The following CXADR variants were observed in gnomAD, a reference collection of about 807,000 sequenced individuals.
CXADR encodes the protein CXADR cell adhesion molecule, also known as coxsackievirus and adenovirus receptor.
Under a neutral mutation model 40.3 loss-of-function variants are expected in CXADR, and 20 were observed. The observed-to-expected ratio is 0.50, with a 90% CI of 0.35 to 0.72. CXADR has a LOEUF of 0.72. Ranked by LOEUF, CXADR falls within the 30% of genes least tolerant of loss-of-function variation. The pLI, the probability that CXADR is intolerant of heterozygous loss-of-function variation, is 0.01. For synonymous variants in CXADR, 150 were observed against 161.3 expected (o/e 0.93, Z 0.53); for missense variants, 332 against 449.1 (o/e 0.74, Z 2.36).
intron 7 of CXADR, among the ~76,000 whole-genome samples, chr21:17,575,921 C>T (rs1301218888): frequency 6.6e-6 from 1 of 151,142 alleles, no homozygotes; most frequent in African/African-American, 2.4e-5. Flanking sequence ...AACCCTGTCT[C>T]TACTAAAAAT....
intron 1 of CXADR, among the ~76,000 whole-genome samples, chr21:17,534,721 C>G (rs557020464): frequency 6.6e-6 from 1 of 151,652 alleles, no homozygotes; most frequent in African/African-American, 2.4e-5. Context: ...TTCATTTTCT[C>G]GAACCTCTAA....
the CXADR span, among the ~76,000 whole-genome samples, chr21:17,609,966 A>G: frequency 1.3e-5 from 2 of 152,224 alleles, no homozygotes; most frequent in African/African-American, 4.8e-5. Context: ...ACTGTGGTAT[A>G]TACATGTAAT....
chr21:17,537,440 T>C (rs1600979084), intron 1 of CXADR, among the ~76,000 whole-genome samples: 1 of 152,226 alleles, frequency 6.6e-6, no homozygotes, highest in Admixed American at 6.5e-5. Context: ...ACTTGCCTGA[T>C]TGCTGTTTTA....
At position 17,569,339 on chromosome 21, in the gene CXADR, C is replaced by T. The variant is rs1311995498; in HGVS notation, c.*3647C>T. The T allele has an allele frequency of 1.0e-6, 1 of 984,468 alleles. No individual in the cohort carries two copies. Among genetic ancestry groups the T allele is most frequent in the Non-Finnish European group, 1.2e-6 (1 of 829,774 alleles). The allele number at this position is 984,468 out of a possible 1,614,324, so 61.0% of individuals were successfully genotyped here. The stretch of plus-strand genomic sequence containing the variant: ...GTAGAAAATGTTGGCACAATTTTAA[C>T]TTCTTAGTGGCTTGTGACATTATAT... On this transcript the variant is annotated 3_prime_UTR_variant, in exon 7 of 7. Transcript: ENST00000284878.
At chr21:17,528,071 T>G (rs1469983602) in intron 1 of CXADR, among the ~76,000 whole-genome samples, 1,924 of 98,556 alleles carry the variant, frequency 0.02, 44 homozygotes, top group African/African-American at 0.09. Context: ...GTTCTTTCTT[T>G]TTTTTTTTTT....
At chr21:17,572,419 A>G (rs544071042), downstream of CXADR, among the ~76,000 whole-genome samples, 1 of 152,218 alleles carries the variant, frequency 6.6e-6, no homozygotes, top group East Asian at 1.9e-4. Flanking sequence ...GAGTATGTGC[A>G]GTGAGGGGAA....
chr21:17,545,499 T>C (rs536721257), intron 1 of CXADR, among the ~76,000 whole-genome samples: 1 of 152,232 alleles, frequency 6.6e-6, no homozygotes, highest in South Asian at 2.1e-4. Context: ...CGATCTTGGC[T>C]CACTGCAGCC....
the CXADR span, among the ~76,000 whole-genome samples, chr21:17,602,027 C>T: frequency 2.0e-5 from 3 of 152,008 alleles, no homozygotes; most frequent in Non-Finnish European, 4.4e-5. Context: ...AATTAGTAGA[C>T]ACCTGGACAA....
intron 6 of CXADR, among the ~76,000 whole-genome samples, chr21:17,561,719 A>T (rs2061124523): frequency 6.6e-6 from 1 of 152,154 alleles, no homozygotes; most frequent in South Asian, 2.1e-4. Flanking sequence ...CTGCCAAATG[A>T]TTATCTCAAG....
At chr21:17,519,991 ACG>A (rs201648151) in intron 1 of CXADR, among the ~76,000 whole-genome samples, 1 of 151,622 alleles carries the variant, frequency 6.6e-6, no homozygotes, top group Non-Finnish European at 1.5e-5. Context: ...ACACACACAC[ACG>A]CACGCACATG....
intron 3 of CXADR, among the ~76,000 whole-genome samples, chr21:17,556,957 A>G (rs1344358947): frequency 1.3e-5 from 2 of 152,216 alleles, no homozygotes; most frequent in East Asian, 1.9e-4. Context: ...AAATATGTAC[A>G]GTCACCATAT....
intron 1 of CXADR, among the ~76,000 whole-genome samples, chr21:17,517,221 A>G (rs1196458714): frequency 6.6e-6 from 1 of 152,216 alleles, no homozygotes; most frequent in Non-Finnish European, 1.5e-5. Context: ...AGCAAAACGT[A>G]AGCTTCTATT....
intron 7 of CXADR, among the ~76,000 whole-genome samples, chr21:17,588,240 C>G (rs1354843767): frequency 6.6e-6 from 1 of 152,014 alleles, no homozygotes; most frequent in Admixed American, 6.6e-5. Context: ...TCCATATGAA[C>G]TTTAAAGTAG....
chr21:17,522,781 G>A (rs2060548143), intron 1 of CXADR, among the ~76,000 whole-genome samples: 2 of 152,096 alleles, frequency 1.3e-5, no homozygotes, highest in South Asian at 4.1e-4. Flanking sequence ...TGCAGTTACT[G>A]TTTATTTGCC....
At chr21:17,598,901 T>A in the CXADR span, 12 of 1,130,328 alleles carry the variant, frequency 1.1e-5, no homozygotes, top group South Asian at 1.4e-4. Flanking sequence ...AACAAAGAGA[T>A]CTGGACATGC....
At position 17,568,283 on chromosome 21, in the gene CXADR, C is replaced by A. The variant is rs1254498902; in HGVS notation, c.*2591C>A. The A allele has an allele frequency of 6.3e-6, 5 of 790,866 alleles. No individual in the cohort carries two copies. Among genetic ancestry groups the A allele is most frequent in the Non-Finnish European group, 4.6e-6 (3 of 653,160 alleles). 49.0% of individuals were successfully genotyped at this position (790,866 alleles called of 1,614,324 possible). A position where few individuals can be genotyped will look rare whatever the true frequency, so the allele number is the denominator to read the frequency against. On this transcript the variant is annotated 3_prime_UTR_variant, in exon 7 of 7. Coordinates refer to ENST00000284878, the MANE Select transcript of CXADR (RefSeq NM_001338.5). ...AGCTGGGACTACAGGCTCCCATCAC[C>A]ACGCTCGGCTAAGTTTTTGTAATTT...
At chr21:17,551,645 G>A in intron 2 of CXADR, 104 bp from the exon 3 acceptor site, 1 of 905,004 alleles carries the variant, frequency 1.1e-6, no homozygotes, top group East Asian at 2.7e-5. Flanking sequence ...TCTTTTCTGG[G>A]AGGGGGCGTT....
intron 2 of CXADR, among the ~76,000 whole-genome samples, chr21:17,548,178 T>C (rs1413469227): frequency 6.6e-6 from 1 of 152,148 alleles, no homozygotes; most frequent in African/African-American, 2.4e-5. Context: ...CATTTGTTCA[T>C]GTAAAAGAAG....
At chr21:17,626,440 G>A in the CXADR span, among the ~76,000 whole-genome samples, 1 of 151,920 alleles carries the variant, frequency 6.6e-6, no homozygotes, top group African/African-American at 2.4e-5. Context: ...GAATTAGAAG[G>A]GGGTAGATGG....
Sources: allele counts gnomAD v4.1 joint callset (sites outside exome capture counted in the v4.1 genomes callset), GRCh38; gene constraint gnomAD v4.1.1; transcripts MANE v1.5; gene names NCBI Gene and HGNC (gene_info 2026-07-23, HGNC 2026-07-21).